Variants in UGT1A10 observed in about 807,000 individuals in gnomAD.
UGT1A10 encodes the protein UDP-glucuronosyltransferase 1A10.
In UGT1A10, 49 loss-of-function variants were observed where a neutral mutation model predicts 45.8. That is an observed-to-expected ratio of 1.07 (90% CI 0.85 to 1.36). UGT1A10 has a LOEUF of 1.36. Among genes scored for constraint, UGT1A10 ranks in the 40% most tolerant of loss-of-function variants. The probability of loss-of-function intolerance (pLI) is 0.00; values close to 1 mark genes in which losing one functional copy is unlikely to be tolerated. For synonymous variants in UGT1A10, 284 were observed against 249.7 expected, an observed-to-expected ratio of 1.14 and a Z score of -1.29; for missense variants, 745 against 668.6, an observed-to-expected ratio of 1.11 and a Z score of -1.26.
At chr2:233,713,352 T>C in intron 1 of UGT1A10, 2 of 1,614,192 alleles carry the variant, frequency 1.2e-6, no homozygotes, top group Non-Finnish European at 1.7e-6. Context: ...GAACAATATG[T>C]CTTTGATCAT....
chr2:233,693,122 C>T, intron 1 of UGT1A10: 6 of 1,614,092 alleles, frequency 3.7e-6, no homozygotes, highest in Non-Finnish European at 5.1e-6. Flanking sequence ...AAGCCACTGG[C>T]TTAGTATGAA....
At chr2:233,724,781 A>C (rs1318999915) in intron 1 of UGT1A10, among the ~76,000 whole-genome samples, 2 of 140,898 alleles carry the variant, frequency 1.4e-5, no homozygotes, top group Admixed American at 7.0e-5. Flanking sequence ...GACACTCCTC[A>C]CTTCCCAGAC....
chr2:233,704,728 A>G (rs1466296326), intron 1 of UGT1A10, among the ~76,000 whole-genome samples: 1 of 152,076 alleles, frequency 6.6e-6, no homozygotes, highest in Non-Finnish European at 1.5e-5. Context: ...TTTGCTCCCA[A>G]CTGCCTCCCT....
intron 1 of UGT1A10, among the ~76,000 whole-genome samples, chr2:233,757,340 GC>G (rs1259479827): frequency 3.3e-5 from 5 of 151,162 alleles, no homozygotes; most frequent in Non-Finnish European, 7.4e-5. Flanking sequence ...GACCATGACA[GC>G]TGGGTCTGAG....
chr2:233,675,725 G>T (rs1384162647), intron 1 of UGT1A10, among the ~76,000 whole-genome samples: 1 of 152,002 alleles, frequency 6.6e-6, no homozygotes, highest in Non-Finnish European at 1.5e-5. Context: ...TCACTATTTT[G>T]CTCTACTAAT....
chr2:233,738,081 C>G (rs1343758433), intron 1 of UGT1A10, among the ~76,000 whole-genome samples: 1 of 152,154 alleles, frequency 6.6e-6, no homozygotes, highest in Non-Finnish European at 1.5e-5. Context: ...CTCCTAATCT[C>G]ATCATAGTGA....
At position 233,713,454 on chromosome 2, in the gene UGT1A10, C is replaced by A. The variant is rs776428029; in HGVS notation, c.856-53580C>A. 66 of 1,614,072 alleles carry A rather than the reference C, an allele frequency of 4.1e-5. 1 individual carries two copies. The highest frequency in any genetic ancestry group is 3.1e-4 in the South Asian group (28 of 91,036). ...TGATGTGGTTCTAACAGACCCCTTTCACCTCTGCGCGGCGGTGCTGGCTAA... is the reference window on the plus strand; with the variant it reads ...TGATGTGGTTCTAACAGACCCCTTTAACCTCTGCGCGGCGGTGCTGGCTAA... On this transcript the variant is annotated intron_variant, in intron 1 of 4. Transcript: ENST00000344644.
chr2:233,714,585 C>A (rs1055592636), intron 1 of UGT1A10, among the ~76,000 whole-genome samples: 7 of 152,290 alleles, frequency 4.6e-5, no homozygotes, highest in African/African-American at 1.7e-4. Context: ...ATAATTTAAA[C>A]TTTTCTAGTG....
intron 1 of UGT1A10, chr2:233,647,898 T>G: frequency 6.4e-7 from 1 of 1,554,794 alleles, no homozygotes; most frequent in Non-Finnish European, 8.8e-7. Context: ...TACACTGAAG[T>G]TAGCCTCCAG....
intron 1 of UGT1A10, chr2:233,721,798 T>C (rs1311334621): frequency 1.9e-6 from 1 of 514,350 alleles, no homozygotes; most frequent in East Asian, 5.5e-5. Flanking sequence ...TTAAAGCACA[T>C]GCAGCAAAAA....
intron 1 of UGT1A10, among the ~76,000 whole-genome samples, chr2:233,703,330 TTCTC>T (rs558360323): frequency 1.8e-3 from 279 of 152,282 alleles, no homozygotes; most frequent in Middle Eastern, 6.8e-3. Context: ...ATTTTGAGTC[TTCTC>T]TCTTTTTTCT....
In UGT1A10 at chr2:233,647,501, G is replaced by T. The variant is rs1249134541; in HGVS notation, c.855+10124G>T. Among the ~76,000 whole-genome samples the T allele has an allele frequency of 2.0e-5, 3 of 152,196 alleles. No individual in the cohort carries two copies. In the South Asian group the frequency reaches 6.2e-4, roughly 32 times the overall value. On this transcript the variant is annotated intron_variant, in intron 1 of 4. Coordinates refer to ENST00000344644, the MANE Select transcript of UGT1A10 (RefSeq NM_019075.4). ...GTGTTTGGTAGAATTTATCAGTGAA[G>T]TCATCAGAACTTTACCGTTTTGTTT...
At chr2:233,742,158 AC>A (rs1177147410) in intron 1 of UGT1A10, among the ~76,000 whole-genome samples, 1 of 151,894 alleles carries the variant, frequency 6.6e-6, no homozygotes, top group Non-Finnish European at 1.5e-5. Flanking sequence ...CGAATTAAAG[AC>A]ACACACACAG....
intron 1 of UGT1A10, among the ~76,000 whole-genome samples, chr2:233,749,475 A>G (rs1280594340): frequency 1.3e-5 from 2 of 151,882 alleles, no homozygotes; most frequent in Non-Finnish European, 2.9e-5. Flanking sequence ...TGTGGCACAG[A>G]TCACTCTTGC....
chr2:233,767,309 T>A, intron 2 of UGT1A10, 144 bp downstream of exon 2: 2 of 1,517,866 alleles, frequency 1.3e-6, no homozygotes, highest in Non-Finnish European at 8.7e-7. Context: ...CCAAAGGTTT[T>A]TTTTGTTGTT....
chr2:233,678,395 G>A (rs1432950526), intron 1 of UGT1A10, among the ~76,000 whole-genome samples: 2 of 152,186 alleles, frequency 1.3e-5, no homozygotes, highest in Non-Finnish European at 2.9e-5. Context: ...GGAGGAGGAG[G>A]AGTAGATGTT....
chr2:233,718,670 T>C (rs1422403188), intron 1 of UGT1A10: 2 of 1,550,504 alleles, frequency 1.3e-6, no homozygotes, highest in Non-Finnish European at 1.7e-6. Flanking sequence ...TATAGATTAA[T>C]GGGTAATAAG....
At chr2:233,637,447 A>C (rs1044110178) in intron 1 of UGT1A10, 70 bp downstream of exon 1, 9 of 1,519,636 alleles carry the variant, frequency 5.9e-6, no homozygotes, top group Non-Finnish European at 7.9e-6. Flanking sequence ...TTCCTTACTG[A>C]ACTGTGATTT....
At chr2:233,660,817 C>T (rs1206550371) in intron 1 of UGT1A10, among the ~76,000 whole-genome samples, 2 of 152,022 alleles carry the variant, frequency 1.3e-5, no homozygotes, top group Non-Finnish European at 2.9e-5. Context: ...CTCCTCAATG[C>T]TTCTCTTCAT....
Sources: allele counts gnomAD v4.1 joint callset (sites outside exome capture counted in the v4.1 genomes callset), GRCh38; gene constraint gnomAD v4.1.1; transcripts MANE v1.5; gene names NCBI Gene and HGNC (gene_info 2026-07-23, HGNC 2026-07-21).